The following HAUS4 variants were observed in gnomAD, a reference collection of about 807,000 sequenced individuals.
The protein encoded by HAUS4 is HAUS augmin-like complex subunit 4.
A neutral mutation model predicts 50.6 loss-of-function variants in HAUS4; 34 were observed. The ratio of observed to expected loss-of-function variants is 0.67; its 90% CI spans 0.51 to 0.90. The LOEUF (loss-of-function observed/expected upper bound fraction) is 0.90, where lower values mean the gene tolerates loss of function less well. Ranked by LOEUF, HAUS4 falls within the 40% of genes least tolerant of loss-of-function variation. HAUS4 has a pLI of 0.00. For synonymous variants in HAUS4, 149 were observed against 161.4 expected, an observed-to-expected ratio of 0.92 and a Z score of 0.58; for missense variants, 370 against 428.7, an observed-to-expected ratio of 0.86 and a Z score of 1.21.
chr14:22,952,283 G>A, intron 4 of HAUS4, 45 bp downstream of exon 4: 6 of 1,536,358 alleles, frequency 3.9e-6, no homozygotes, highest in Non-Finnish European at 4.5e-6. Flanking sequence ...CTCCCAAAGT[G>A]CTGGGATTAC....
chr14:22,948,176 T>C, intron 6 of HAUS4, 163 bp from the exon 7 acceptor site: 1 of 735,848 alleles, frequency 1.4e-6, no homozygotes, highest in Non-Finnish European at 2.1e-6. Flanking sequence ...GGGCTGAGCA[T>C]GGTGGCTTAC....
At chr14:22,951,084 T>A (rs2044743484) in intron 5 of HAUS4, among the ~76,000 whole-genome samples, 1 of 152,134 alleles carries the variant, frequency 6.6e-6, no homozygotes, top group Non-Finnish European at 1.5e-5. Flanking sequence ...CACTACAGCC[T>A]TGACCTCCCA....
At chr14:22,951,942 C>T (rs2044760793) in intron 4 of HAUS4, among the ~76,000 whole-genome samples, 1 of 152,214 alleles carries the variant, frequency 6.6e-6, no homozygotes, top group South Asian at 2.1e-4. Context: ...CCTACTTCCC[C>T]TAGATCACAT....
chr14:22,948,221 G>T, intron 6 of HAUS4: 1 of 542,520 alleles, frequency 1.8e-6, no homozygotes, highest in South Asian at 2.8e-5. Context: ...GGCCAAGGCA[G>T]GAGGATTGCT....
chr14:22,951,780 A>AT, intron 4 of HAUS4, 91 bp from the exon 5 acceptor site: 1 of 1,219,608 alleles, frequency 8.2e-7, no homozygotes, highest in South Asian at 1.4e-5. Context: ...TTTTTCACAT[A>AT]TTTTCAAAGT....
chr14:22,952,591 G>T lies in HAUS4; in HGVS notation c.148C>A (p.His50Asn), dbSNP rs1566647556. 1 of 1,613,942 alleles carries T rather than the reference G, an allele frequency of 6.2e-7. No individual in the cohort carries two copies. Among genetic ancestry groups the T allele is most frequent in the East Asian group, 2.2e-5 (1 of 44,872 alleles). ...AGGCTTAAGCCACTCTCATCCACAT[G>T]CTGTGAGAGATTCAGGAGAAGCTTG... ...FSKLLLNLSQHVDESGLSLTL... is the reference protein window; with the variant it reads ...FSKLLLNLSQNVDESGLSLTL... The change falls in exon 3 of 10, where the codon CAT becomes AAT. Residue 50 changes from histidine (H) to asparagine (N), a missense_variant. Coordinates refer to ENST00000541587, the MANE Select transcript of HAUS4 (RefSeq NM_001166269.2).
At chr14:22,952,928 G>A (rs761604350) in intron 2 of HAUS4, among the ~76,000 whole-genome samples, 10 of 152,150 alleles carry the variant, frequency 6.6e-5, no homozygotes, top group Non-Finnish European at 1.2e-4. Flanking sequence ...TTAGGAAACG[G>A]AAATGCAGTT....
At position 22,956,928 on chromosome 14, in the gene HAUS4, G is replaced by A. The variant is rs2044876618; in HGVS notation, c.-35C>T. 1 of 154,588 alleles carries A rather than the reference G, an allele frequency of 6.5e-6. No individual in the cohort carries two copies. The highest frequency in any genetic ancestry group is 2.4e-5 in the African/African-American group (1 of 41,540). The allele number at this position is 154,588 out of a possible 1,614,324, so 9.6% of individuals were successfully genotyped here. ...CTCTAAAGCAAACCTGCACACCCTG[G>A]GGCAGCTGAAGCTCTCAAGGCGGTG... On this transcript the variant is annotated 5_prime_UTR_variant, in exon 1 of 10. Coordinates refer to ENST00000541587, the MANE Select transcript of HAUS4 (RefSeq NM_001166269.2).
At position 22,950,425 on chromosome 14, in the gene HAUS4, G is replaced by A; in HGVS notation, c.466-15C>T. 2 of 1,533,972 alleles carry A rather than the reference G, an allele frequency of 1.3e-6. No homozygotes were observed. The highest frequency in any genetic ancestry group is 1.8e-6 in the Non-Finnish European group (2 of 1,107,148). The stretch of plus-strand genomic sequence containing the variant: ...CACACAAAATCCTACAGTCATAGAA[G>A]TAAAGGCAGAAATGCGAATAGACTG... On this transcript the variant is annotated splice_polypyrimidine_tract_variant and intron_variant, in intron 5 of 9. Transcript: ENST00000541587.
At chr14:22,951,896 G>T (rs2044759764) in intron 4 of HAUS4, among the ~76,000 whole-genome samples, 1 of 152,084 alleles carries the variant, frequency 6.6e-6, no homozygotes, top group Non-Finnish European at 1.5e-5. Flanking sequence ...CATAACTACA[G>T]TCCATTTCTC....
At chr14:22,947,131 CA>C in intron 9 of HAUS4, 39 bp downstream of exon 9, 1 of 1,264,170 alleles carries the variant, frequency 7.9e-7, no homozygotes, top group Non-Finnish European at 1.2e-6. Context: ...ATGTGAGAAC[CA>C]CCTGTGAACA....
chr14:22,954,136 A>G (rs1288575651), intron 2 of HAUS4, among the ~76,000 whole-genome samples: 1 of 152,218 alleles, frequency 6.6e-6, no homozygotes, highest in Non-Finnish European at 1.5e-5. Flanking sequence ...CAGCACAGGC[A>G]TGAGAAAAAA....
chr14:22,947,569 A>G (rs757840418), intron 8 of HAUS4, 32 bp downstream of exon 8: 1 of 1,611,788 alleles, frequency 6.2e-7, no homozygotes, highest in Non-Finnish European at 8.5e-7. Context: ...GTGAGACAGA[A>G]TCCCTTAAGA....
intron 1 of HAUS4, among the ~76,000 whole-genome samples, chr14:22,955,835 A>T (rs776102022): frequency 2.0e-5 from 3 of 152,168 alleles, no homozygotes; most frequent in Non-Finnish European, 2.9e-5. Context: ...GCAAAGGTGT[A>T]ATGTGGCTAC....
chr14:22,948,048 C>A, intron 6 of HAUS4, 35 bp from the exon 7 acceptor site: 1 of 1,558,540 alleles, frequency 6.4e-7, no homozygotes, highest in East Asian at 2.3e-5. Context: ...CAGGAAAACC[C>A]TAATCGCTAC....
chr14:22,954,928 T>G (rs1443180788), intron 2 of HAUS4, among the ~76,000 whole-genome samples, 172 bp downstream of exon 2: 1 of 152,034 alleles, frequency 6.6e-6, no homozygotes, highest in African/African-American at 2.4e-5. Context: ...GGTTTCACCG[T>G]GTTAGCCAGG....
In HAUS4 at chr14:22,952,385, C is replaced by T. The variant is rs960566552; in HGVS notation, c.273G>A (p.Leu91=). 7 of 1,614,058 alleles carry T rather than the reference C, an allele frequency of 4.3e-6. No individual in the cohort carries two copies. Among genetic ancestry groups the T allele is most frequent in the Non-Finnish European group, 5.1e-6 (6 of 1,179,914 alleles). Residue 91 remains leucine, a synonymous_variant, in exon 4 of 10, where the codon TTG becomes TTA. Coordinates refer to ENST00000541587, the MANE Select transcript of HAUS4 (RefSeq NM_001166269.2). The part of the protein sequence containing the change: ...SEILHRVIQE[L]LVDYYVKIQD... ...GTATCTTCACATAGTAGTCCACAAG[C>T]AACTCTTGAATGACTCTGTGTAAAA... is the stretch of plus-strand genomic sequence containing the variant.
chr14:22,952,620 A>T lies in HAUS4; in HGVS notation c.119T>A (p.Phe40Tyr), dbSNP rs752039199. 1 of 1,613,898 alleles carries T rather than the reference A, an allele frequency of 6.2e-7. No homozygotes were observed. Among genetic ancestry groups the T allele is most frequent in the Non-Finnish European group, 8.5e-7 (1 of 1,179,908 alleles). The stretch of plus-strand genomic sequence containing the variant: ...TGAGAGATTCAGGAGAAGCTTGCTG[A>T]AGTATGGGTTCTGTAACAGGTCCTC... ...SKEDLLQNPYFSKLLLNLSQH... is the reference protein window; with the variant it reads ...SKEDLLQNPYYSKLLLNLSQH... The change falls in exon 3 of 10, where the codon TTC becomes TAC. Residue 40 changes from phenylalanine to tyrosine, a missense_variant. Coordinates refer to ENST00000541587, the MANE Select transcript of HAUS4 (RefSeq NM_001166269.2).
chr14:22,950,409 T>C lies in HAUS4; in HGVS notation c.467A>G (p.Asp156Gly), dbSNP rs1325655767. The C allele has an allele frequency of 6.2e-7, 1 of 1,601,656 alleles. No individual in the cohort carries two copies. The highest frequency in any genetic ancestry group is 1.7e-5 in the Admixed American group (1 of 59,934). ...DLLELMPLSE[D>G]FVWMRARLQQ... ...TAGCCGAGCCCTCATCCACACAAAA[T>C]CCTACAGTCATAGAAGTAAAGGCAG... The change falls in exon 6 of 10, where the codon GAT becomes GGT. Residue 156 changes from aspartate (D) to glycine (G), a missense_variant and splice_region_variant. Asp to Gly is a moderately conservative substitution (Grantham distance 94). Transcript: ENST00000541587.
Sources: gnomAD v4.1 joint callset for allele counts (sites outside exome capture counted in the v4.1 genomes callset) on GRCh38, gnomAD v4.1.1 for gene constraint, MANE v1.5 for transcripts, NCBI Gene and HGNC (gene_info 2026-07-23, HGNC 2026-07-21) for gene names.